FBN1: variants seen among roughly 807,000 people sequenced by gnomAD.
The protein encoded by FBN1 is fibrillin-1.
In FBN1, 29 loss-of-function variants were observed where a neutral mutation model predicts 365.1. The ratio of observed to expected loss-of-function variants is 0.08; its 90% CI spans 0.06 to 0.11. The LOEUF (loss-of-function observed/expected upper bound fraction) is 0.11. Ranked by LOEUF, FBN1 falls within the 10% of genes least tolerant of loss-of-function variation. The probability of loss-of-function intolerance (pLI) is 1.00; values close to 1 mark genes in which losing one functional copy is unlikely to be tolerated. For synonymous variants in FBN1, 1,210 were observed against 1,270.5 expected (o/e 0.95, Z 1.01); for missense variants, 2,476 against 3,703.2 (o/e 0.67, Z 8.60).
chr15:48,551,851 G>C (rs1379522955), intron 6 of FBN1, among the ~76,000 whole-genome samples: 2 of 152,098 alleles, frequency 1.3e-5, no homozygotes, highest in African/African-American at 4.8e-5. Flanking sequence ...TCCCTTTTAT[G>C]GCTGTATAGT....
intron 9 of FBN1, 61 bp from the exon 10 acceptor site, chr15:48,520,878 T>G: frequency 6.2e-7 from 1 of 1,606,862 alleles, no homozygotes; most frequent in Non-Finnish European, 8.5e-7. Flanking sequence ...GTAACAACAC[T>G]CCCCTGCCCG....
intron 50 of FBN1, among the ~76,000 whole-genome samples, chr15:48,439,918 T>A (rs1006198759): frequency 1.3e-5 from 2 of 152,206 alleles, no homozygotes; most frequent in Non-Finnish European, 2.9e-5. Context: ...GGCATTCGCT[T>A]TTTAAAAAAC....
chr15:48,605,850 G>A (rs2044603522), intron 4 of FBN1, among the ~76,000 whole-genome samples: 1 of 152,146 alleles, frequency 6.6e-6, no homozygotes, highest in African/African-American at 2.4e-5. Context: ...ACTCCAACCT[G>A]GGTGACAGAG....
chr15:48,576,387 T>TC lies in FBN1; in HGVS notation c.538+19895dup, dbSNP rs60951541. Among the ~76,000 whole-genome samples the TC allele has an allele frequency of 6.4e-3, 981 of 152,238 alleles. 10 individuals are homozygous for TC. Among genetic ancestry groups the TC allele is most frequent in the African/African-American group, 0.023 (954 of 41,494 alleles). ...CTCTCAGCCTGATTAAATGTTTTTT[T>TC]CCCCCTCTACTCTGATCTCCCTTTG... On this transcript the variant is annotated intron_variant, in intron 6 of 65. Transcript: ENST00000316623.
intron 30 of FBN1, among the ~76,000 whole-genome samples, chr15:48,484,504 T>C (rs1234271335): frequency 3.3e-5 from 5 of 152,076 alleles, no homozygotes; most frequent in African/African-American, 9.7e-5. Context: ...CCCAAGTAGC[T>C]GGGATTACAG....
chr15:48,430,514 C>T (rs951864489), intron 56 of FBN1, among the ~76,000 whole-genome samples, 157 bp downstream of exon 56: 1 of 152,140 alleles, frequency 6.6e-6, no homozygotes, highest in East Asian at 1.9e-4. Context: ...CAAATGATCA[C>T]GAGGCAAGGG....
Position 48,456,364 on chromosome 15 carries a change from T to A in FBN1, c.5422+273A>T, listed in dbSNP as rs76788509. Reference sequence around the variant, plus strand: ...CAATCTATGTGACACACCCAGGAACTCAAAGCTTTTTCATATCAGCTGGGA... The same window carrying A: ...CAATCTATGTGACACACCCAGGAACACAAAGCTTTTTCATATCAGCTGGGA... On this transcript the variant is annotated intron_variant, in intron 44 of 65. Coordinates refer to ENST00000316623, the MANE Select transcript of FBN1 (RefSeq NM_000138.5). Among the ~76,000 whole-genome samples the A allele has an allele frequency of 3.6e-3, 546 of 152,264 alleles. 1 individual carries two copies. Among genetic ancestry groups the A allele is most frequent in the African/African-American group, 0.013 (530 of 41,552 alleles).
chr15:48,537,848 A>G, intron 6 of FBN1, 40 bp from the exon 7 acceptor site: 1 of 1,600,208 alleles, frequency 6.2e-7, no homozygotes, highest in Non-Finnish European at 8.6e-7. Context: ...AATCCAGAAA[A>G]GCAGGAACCA....
At chr15:48,598,403 A>T (rs1281430524) in intron 5 of FBN1, among the ~76,000 whole-genome samples, 1 of 152,208 alleles carries the variant, frequency 6.6e-6, no homozygotes, top group East Asian at 1.9e-4. Context: ...GATGTAGGTT[A>T]TTGATGTTGT....
intron 58 of FBN1, 90 bp from the exon 59 acceptor site, chr15:48,425,954 A>G: frequency 9.7e-7 from 1 of 1,028,834 alleles, no homozygotes; most frequent in Admixed American, 1.8e-5. Context: ...ATACTAATAA[A>G]TTGTGTTACT....
intron 6 of FBN1, among the ~76,000 whole-genome samples, chr15:48,555,848 G>A (rs563228596): frequency 7.9e-5 from 12 of 152,122 alleles, no homozygotes; most frequent in Non-Finnish European, 1.6e-4. Flanking sequence ...AACTCAGCAG[G>A]TTATCAGAAC....
chr15:48,471,971 T>C (rs1274139595), intron 35 of FBN1, among the ~76,000 whole-genome samples: 1 of 152,226 alleles, frequency 6.6e-6, no homozygotes, highest in African/African-American at 2.4e-5. Flanking sequence ...CCATGCCATA[T>C]GGCAGTATCC....
intron 63 of FBN1, among the ~76,000 whole-genome samples, chr15:48,420,325 T>C (rs1597512273): frequency 6.6e-6 from 1 of 152,168 alleles, no homozygotes; most frequent in Non-Finnish European, 1.5e-5. Context: ...CCACTCAAAA[T>C]AGCCTTTGGC....
At chr15:48,557,015 C>A (rs1302513459) in intron 6 of FBN1, among the ~76,000 whole-genome samples, 4 of 152,104 alleles carry the variant, frequency 2.6e-5, no homozygotes, top group Non-Finnish European at 5.9e-5. Context: ...GTGAACTGTG[C>A]AGGTGAAGGA....
intron 32 of FBN1, among the ~76,000 whole-genome samples, chr15:48,479,351 G>A (rs2043449733): frequency 6.6e-6 from 1 of 152,150 alleles, no homozygotes; most frequent in South Asian, 2.1e-4. Context: ...CTTACCCAAG[G>A]AGAACATTTG....
chr15:48,604,570 G>A (rs1209883044), intron 4 of FBN1, among the ~76,000 whole-genome samples: 1 of 152,136 alleles, frequency 6.6e-6, no homozygotes, highest in Non-Finnish European at 1.5e-5. Flanking sequence ...ACAAAATCTA[G>A]CCAAGCTGGA....
In FBN1 at chr15:48,535,733, CACTT is replaced by C. The variant is rs374764008; in HGVS notation, c.737-1532_737-1529del. On this transcript the variant is annotated intron_variant, in intron 7 of 65. Transcript: ENST00000316623. ...ACAATTTAGTTTATTATAAAAGTAT[CACTT>C]ACTGTTTTAAATGAAATATCTTAAC... Among the ~76,000 whole-genome samples the C allele has an allele frequency of 3.2e-3, 484 of 152,284 alleles. 3 individuals carry two copies. Among genetic ancestry groups the C allele is most frequent in the African/African-American group, 0.011 (458 of 41,560 alleles).
At chr15:48,488,296 G>T in intron 26 of FBN1, 55 bp from the exon 27 acceptor site, 1 of 1,613,134 alleles carries the variant, frequency 6.2e-7, no homozygotes, top group Non-Finnish European at 8.5e-7. Flanking sequence ...CTTAATTCTT[G>T]CGACAATATG....
At chr15:48,448,684 C>T (rs2043177399) in intron 46 of FBN1, 84 bp downstream of exon 46, 2 of 1,316,038 alleles carry the variant, frequency 1.5e-6, no homozygotes, top group Non-Finnish European at 2.1e-6. Context: ...TACTAAAAGA[C>T]TTAGTATTAA....
Sources: gnomAD v4.1 joint callset for allele counts (sites outside exome capture counted in the v4.1 genomes callset) on GRCh38, gnomAD v4.1.1 for gene constraint, MANE v1.5 for transcripts, NCBI Gene and HGNC (gene_info 2026-07-23, HGNC 2026-07-21) for gene names.